Variants in MEGF6 observed in about 807,000 individuals in gnomAD.
MEGF6 encodes the protein multiple epidermal growth factor-like domains protein 6.
MEGF6 carries 184 observed loss-of-function variants against 207.1 expected under a neutral mutation model. The observed-to-expected ratio is 0.89, with a 90% CI of 0.79 to 1.00. The LOEUF (loss-of-function observed/expected upper bound fraction) is 1.00. MEGF6 is among the 50% of genes least tolerant of loss of function. MEGF6 has a pLI of 0.00. For synonymous variants in MEGF6, 1,038 were observed against 910.0 expected (o/e 1.14, Z -2.53); for missense variants, 2,282 against 2,202.9 (o/e 1.04, Z -0.72).
At chr1:3,574,227 C>T (rs1452770879) in intron 4 of MEGF6, among the ~76,000 whole-genome samples, 1 of 152,060 alleles carries the variant, frequency 6.6e-6, no homozygotes, top group Non-Finnish European at 1.5e-5. Flanking sequence ...CCAGCTGGCC[C>T]CCAGCAACGC....
At chr1:3,511,090 C>T (rs976312028) in intron 9 of MEGF6, among the ~76,000 whole-genome samples, 188 bp from the exon 10 acceptor site, 5 of 152,236 alleles carry the variant, frequency 3.3e-5, no homozygotes, top group African/African-American at 7.2e-5. Context: ...CACACAATCA[C>T]GCCCACGCAC....
rs759871673 is a variant in MEGF6, at chr1:3,499,696, C to CA, written c.2856dup (p.Gly953TrpfsTer17). 105 of 1,603,810 alleles carry CA rather than the reference C, an allele frequency of 6.5e-5. No individual in the cohort carries two copies. The highest frequency in any genetic ancestry group is 8.5e-5 in the Non-Finnish European group (100 of 1,176,370). ...TTGCAGGCACTGCGACAGTCCAATC[C>CA]AAAGAAGCCGGCCGGGCAGGCTGCA... On this transcript the variant is annotated frameshift_variant, in exon 23 of 37. Coordinates refer to ENST00000356575, the MANE Select transcript of MEGF6 (RefSeq NM_001409.4). LOFTEE classifies it high-confidence loss of function.
chr1:3,566,363 C>T (rs1030083764), intron 4 of MEGF6, among the ~76,000 whole-genome samples: 1 of 152,210 alleles, frequency 6.6e-6, no homozygotes, highest in East Asian at 1.9e-4. Flanking sequence ...TGGGCAAAAT[C>T]AGCAGAGGTC....
chr1:3,619,990 C>G, the MEGF6 span, among the ~76,000 whole-genome samples: 1 of 152,126 alleles, frequency 6.6e-6, no homozygotes. Flanking sequence ...GATGTGGTCT[C>G]AGACGAAAAT....
intron 4 of MEGF6, among the ~76,000 whole-genome samples, chr1:3,561,201 G>A (rs924585753): frequency 1.3e-5 from 2 of 152,200 alleles, no homozygotes; most frequent in African/African-American, 4.8e-5. Flanking sequence ...TTTGAGCTGA[G>A]CTCCAGGCAA....
At chr1:3,531,682 A>G (rs1314044861) in intron 4 of MEGF6, among the ~76,000 whole-genome samples, 1 of 152,174 alleles carries the variant, frequency 6.6e-6, no homozygotes, top group East Asian at 1.9e-4. Context: ...GTGTGCAAAC[A>G]TGCACACAGG....
Position 3,585,441 on chromosome 1 carries a change from C to T in MEGF6, c.377-5512G>A, listed in dbSNP as rs184557157. On this transcript the variant is annotated intron_variant, in intron 3 of 36. Transcript: ENST00000356575. ...CATGTCCTGTGTGTGGGTGTCTGGA[C>T]GCATGTCCTGTGTGTGGGTGTGAGT... Among the ~76,000 whole-genome samples the T allele has an allele frequency of 7.8e-3, 1,002 of 128,472 alleles. 29 individuals carry two copies. Among genetic ancestry groups the T allele is most frequent in the African/African-American group, 0.03 (945 of 31,916 alleles). 84.3% of individuals were successfully genotyped at this position (128,472 alleles called of 152,430 possible).
At chr1:3,522,329 G>C (rs1203577132) in intron 5 of MEGF6, among the ~76,000 whole-genome samples, 1 of 152,170 alleles carries the variant, frequency 6.6e-6, no homozygotes, top group African/African-American at 2.4e-5. Flanking sequence ...GGCTGTGGAG[G>C]CACCGGGAGC....
At chr1:3,583,008 G>A (rs1643835214) in intron 3 of MEGF6, among the ~76,000 whole-genome samples, 1 of 152,184 alleles carries the variant, frequency 6.6e-6, no homozygotes, top group African/African-American at 2.4e-5. Flanking sequence ...TGTTGATGAA[G>A]GGGTGAATGA....
intron 29 of MEGF6, among the ~76,000 whole-genome samples, 158 bp downstream of exon 29, chr1:3,496,497 C>G (rs1461769115): frequency 2.6e-5 from 4 of 152,252 alleles, no homozygotes; most frequent in Non-Finnish European, 4.4e-5. Context: ...CAGGTCCTTT[C>G]TGCCCCTCTG....
At chr1:3,557,371 C>T (rs1643066362) in intron 4 of MEGF6, among the ~76,000 whole-genome samples, 1 of 152,230 alleles carries the variant, frequency 6.6e-6, no homozygotes, top group Non-Finnish European at 1.5e-5. Flanking sequence ...CAGAGCTCTG[C>T]AGGCTGCTCC....
intron 3 of MEGF6, among the ~76,000 whole-genome samples, chr1:3,582,284 C>A (rs1453535029): frequency 6.6e-6 from 1 of 152,208 alleles, no homozygotes; most frequent in Non-Finnish European, 1.5e-5. Context: ...CTGGGGCAGT[C>A]ACTGGGATGC....
chr1:3,558,556 C>A (rs553351925), intron 4 of MEGF6, among the ~76,000 whole-genome samples: 1 of 152,294 alleles, frequency 6.6e-6, no homozygotes, highest in South Asian at 2.1e-4. Context: ...GCAAGACGTG[C>A]GTTTTCCCTA....
At chr1:3,567,586 A>T (rs574694717) in intron 4 of MEGF6, among the ~76,000 whole-genome samples, 1 of 152,138 alleles carries the variant, frequency 6.6e-6, no homozygotes, top group East Asian at 1.9e-4. Context: ...GCAGCCCTGC[A>T]GGCTCTGACC....
chr1:3,610,472 C>A (rs1431399099), intron 1 of MEGF6, among the ~76,000 whole-genome samples: 1 of 144,742 alleles, frequency 6.9e-6, no homozygotes, highest in African/African-American at 2.7e-5. Context: ...GCCAGCGACT[C>A]CCCTCCTCCT....
rs1643151060 is a variant in MEGF6 at position 3,560,030 on chromosome 1, A to AC, written c.481+19794_481+19795insG. Among the ~76,000 whole-genome samples the AC allele has an allele frequency of 6.6e-6, 1 of 151,140 alleles. No individual in the cohort carries two copies. The highest frequency in any genetic ancestry group is 1.5e-5 in the Non-Finnish European group (1 of 67,686). On this transcript the variant is annotated intron_variant, in intron 4 of 36. Coordinates refer to ENST00000356575, the MANE Select transcript of MEGF6 (RefSeq NM_001409.4). The surrounding 1 kb of genome is among the most constrained non-coding windows in gnomAD (Gnocchi z 4.0). ...GTCTCAAAATAAAAGAAAAAAAAAA[A>AC]AAAAAAGGAAACACGATGAGCCCAT...
Position 3,611,263 on chromosome 1 carries a change from C to G in MEGF6, c.6G>C (p.Ser2=), listed in dbSNP as rs924633321. 4.1e-6 allele frequency: 6 copies of G among 1,480,256 alleles called. No homozygotes were observed. The African/African-American group carries it at 5.9e-5, about 14-fold the overall frequency. The allele number at this position is 1,480,256 out of a possible 1,614,324, so 91.7% of individuals were successfully genotyped here. A position where few individuals can be genotyped will look rare whatever the true frequency, so the allele number is the denominator to read the frequency against. M[S]FLEEARAAGR... Reference sequence around the variant, plus strand: ...CCGCTGCCCTCGCCTCTTCAAGGAACGACATCGTGCGCGCCGGTGCCTCCT... The same window carrying G: ...CCGCTGCCCTCGCCTCTTCAAGGAAGGACATCGTGCGCGCCGGTGCCTCCT... The change falls in exon 1 of 37, where the codon TCG becomes TCC. Residue 2 remains serine, a synonymous_variant. Transcript: ENST00000356575.
intron 5 of MEGF6, among the ~76,000 whole-genome samples, chr1:3,522,824 G>A (rs1641806180): frequency 6.6e-6 from 1 of 152,174 alleles, no homozygotes; most frequent in African/African-American, 2.4e-5. Context: ...CTGAGAGGAG[G>A]GTCGAGAAAA....
At chr1:3,498,154 A>C (rs1008782412) in intron 26 of MEGF6, among the ~76,000 whole-genome samples, 3 of 152,120 alleles carry the variant, frequency 2.0e-5, no homozygotes, top group African/African-American at 7.2e-5. Flanking sequence ...ACCCCTGCCA[A>C]GGCAAAGCAG....
Sources: allele counts gnomAD v4.1 joint callset (sites outside exome capture counted in the v4.1 genomes callset), GRCh38; gene constraint gnomAD v4.1.1; non-coding constraint Gnocchi (gnomAD v3.1); transcripts MANE v1.5; gene names NCBI Gene and HGNC (gene_info 2026-07-23, HGNC 2026-07-21).